The following S100Z variants were observed in gnomAD, a reference collection of about 807,000 sequenced individuals.
S100Z encodes S100 calcium binding protein Z.
Under a neutral mutation model 8.5 loss-of-function variants are expected in S100Z, and 11 were observed. The observed-to-expected ratio is 1.30, with a 90% CI of 0.82 to 2.15. The LOEUF (loss-of-function observed/expected upper bound fraction) is 2.15. Ranked by LOEUF, S100Z falls within the 30% of genes most tolerant of loss-of-function variation. The pLI is 0.00. For missense variants in S100Z, 126 were observed against 117.9 expected, an observed-to-expected ratio of 1.07 and a Z score of -0.32; for synonymous variants, 34 against 43.8, an observed-to-expected ratio of 0.78 and a Z score of 0.89.
Position 76,853,576 on chromosome 5 carries a change from A to C in S100Z, c.-176+3421A>C, listed in dbSNP as rs537125098. ...TTTGGGAGGCTGAGGCAGGCAGATC[A>C]TCTGAGGTCAGGAGTTCAAGATCAG... On this transcript the variant is annotated intron_variant, in intron 1 of 4. Transcript: ENST00000317593. 7.5e-4 allele frequency among the ~76,000 whole-genome samples: 114 copies of C among 152,138 alleles called. 1 individual carries two copies. Among genetic ancestry groups the C allele is most frequent in the African/African-American group, 2.7e-3 (110 of 41,504 alleles).
Position 76,890,806 on chromosome 5 carries a change from T to G in S100Z, c.*2+12972T>G, listed in dbSNP as rs140943151. ...GGCCTTGGGTGCTAATGTGAGAAAT[T>G]TGAAATTTATCCTCCATATTATGGG... On this transcript the variant is annotated intron_variant, in intron 4 of 4. Transcript: ENST00000317593. Among the ~76,000 whole-genome samples the G allele has an allele frequency of 2.5e-3, 386 of 152,296 alleles. 3 individuals carry two copies. The highest frequency in any genetic ancestry group is 8.3e-3 in the African/African-American group (347 of 41,572).
intron 1 of S100Z, among the ~76,000 whole-genome samples, chr5:76,853,036 C>G (rs547463957): frequency 6.6e-6 from 1 of 152,268 alleles, no homozygotes; most frequent in Admixed American, 6.5e-5. Context: ...ATCCCAGAGT[C>G]GATTCAAGTC....
chr5:76,927,961 G>A, the S100Z span, among the ~76,000 whole-genome samples: 418 of 152,320 alleles, frequency 2.7e-3, 2 homozygotes, highest in African/African-American at 9.5e-3. Flanking sequence ...TGTGTGTGCT[G>A]TTCCCTGTCC....
chr5:76,871,754 T>G (rs912166262), intron 2 of S100Z, among the ~76,000 whole-genome samples: 4 of 152,128 alleles, frequency 2.6e-5, no homozygotes, highest in African/African-American at 9.7e-5. Context: ...CTCGAACTCC[T>G]TACCTCAGAT....
the S100Z span, among the ~76,000 whole-genome samples, chr5:76,929,070 A>G: frequency 6.6e-6 from 1 of 152,202 alleles, no homozygotes; most frequent in Non-Finnish European, 1.5e-5. Flanking sequence ...AGTTACCTTC[A>G]GTATTAGAAT....
At chr5:76,858,649 A>T (rs1034035765) in intron 1 of S100Z, among the ~76,000 whole-genome samples, 3 of 152,214 alleles carry the variant, frequency 2.0e-5, no homozygotes, top group African/African-American at 7.2e-5. Flanking sequence ...TCTAAAACAC[A>T]AAGTCTTCAC....
At chr5:76,872,763 C>A (rs905630777) in intron 2 of S100Z, among the ~76,000 whole-genome samples, 12 of 152,286 alleles carry the variant, frequency 7.9e-5, no homozygotes, top group Middle Eastern at 3.4e-3. Flanking sequence ...GAGTTCAAGA[C>A]CAGCCTGGGC....
In S100Z at chr5:76,918,271, A is replaced by C. The variant is rs544092460; in HGVS notation, c.*3-2446A>C. On this transcript the variant is annotated intron_variant, in intron 4 of 4. Transcript: ENST00000317593. ...ACCCAGGCTTGAGTGCAGTGGTACA[A>C]TCTCAGCTCGCTGCAACTTCTGCCT... is the stretch of plus-strand genomic sequence containing the variant. Among the ~76,000 whole-genome samples the C allele has an allele frequency of 3.9e-5, 6 of 152,274 alleles. No homozygotes were observed. The South Asian group carries it at 8.3e-4, about 21-fold the overall frequency.
At chr5:76,879,400 A>C (rs917513782) in intron 4 of S100Z, among the ~76,000 whole-genome samples, 1 of 152,216 alleles carries the variant, frequency 6.6e-6, no homozygotes, top group Non-Finnish European at 1.5e-5. Flanking sequence ...CATGCAACCA[A>C]ACACAATCTG....
At chr5:76,945,468 T>A in the S100Z span, among the ~76,000 whole-genome samples, 2 of 152,216 alleles carry the variant, frequency 1.3e-5, no homozygotes, top group Admixed American at 6.5e-5. Flanking sequence ...GGGAATGGAA[T>A]GTCTCGGTAT....
chr5:76,854,096 T>C (rs1221077368), intron 1 of S100Z, among the ~76,000 whole-genome samples: 1 of 152,190 alleles, frequency 6.6e-6, no homozygotes, highest in Non-Finnish European at 1.5e-5. Flanking sequence ...GTACGGCCTG[T>C]GGAACTGTGA....
chr5:76,870,141 G>A lies in S100Z; in HGVS notation c.-175-25G>A, dbSNP rs555037088. 4 of 152,168 alleles carry A rather than the reference G, an allele frequency of 2.6e-5. No homozygotes were observed. In the South Asian group the frequency reaches 6.2e-4, roughly 24 times the overall value. The allele number at this position is 152,168 out of a possible 1,614,324, so 9.4% of individuals were successfully genotyped here. A position where few individuals can be genotyped will look rare whatever the true frequency, so the allele number is the denominator to read the frequency against. ...GATAAAGTAGAAAACGTAAAAAGAC[G>A]TATTTACTCATTTCTGCTTGCCAGT... On this transcript the variant is annotated intron_variant, in intron 1 of 4. Transcript: ENST00000317593.
intron 4 of S100Z, among the ~76,000 whole-genome samples, chr5:76,888,367 AT>A (rs1171043164): frequency 6.4e-3 from 289 of 45,396 alleles, no homozygotes; most frequent in East Asian, 0.013. Flanking sequence ...AAGTGCTGGT[AT>A]TTTTTTTTTT....
At chr5:76,898,586 T>C (rs552161978) in intron 4 of S100Z, among the ~76,000 whole-genome samples, 8 of 152,330 alleles carry the variant, frequency 5.3e-5, no homozygotes, top group South Asian at 4.1e-4. Context: ...CTTCATTTTG[T>C]TGACATGATG....
intron 4 of S100Z, among the ~76,000 whole-genome samples, chr5:76,920,280 A>T (rs2150689468): frequency 6.6e-6 from 1 of 152,316 alleles, no homozygotes. Context: ...CATATTTTGG[A>T]TAAGTCCTTT....
chr5:76,909,960 G>T (rs554096850), intron 4 of S100Z, among the ~76,000 whole-genome samples: 1 of 152,308 alleles, frequency 6.6e-6, no homozygotes, highest in South Asian at 2.1e-4. Flanking sequence ...TCAAGTAAAT[G>T]ATAGAATGAC....
the S100Z span, among the ~76,000 whole-genome samples, chr5:76,939,717 T>A: frequency 2.0e-5 from 3 of 151,024 alleles, 1 homozygote; most frequent in Admixed American, 2.0e-4. Context: ...TACACAATGT[T>A]GGCTAGGCCG....
the S100Z span, among the ~76,000 whole-genome samples, chr5:76,943,671 C>T: frequency 6.6e-6 from 1 of 152,150 alleles, no homozygotes; most frequent in Non-Finnish European, 1.5e-5. Context: ...CCTTTGTAAA[C>T]AGTCCTTTTA....
intron 4 of S100Z, among the ~76,000 whole-genome samples, chr5:76,908,232 G>A (rs1744524272): frequency 6.6e-6 from 1 of 152,166 alleles, no homozygotes; most frequent in Admixed American, 6.5e-5. Flanking sequence ...CTGTACTTCT[G>A]GGCTGAGCCA....
Sources: gnomAD v4.1 joint callset for allele counts (sites outside exome capture counted in the v4.1 genomes callset) on GRCh38, gnomAD v4.1.1 for gene constraint, MANE v1.5 for transcripts, NCBI Gene and HGNC (gene_info 2026-07-23, HGNC 2026-07-21) for gene names.